The following TECPR2 variants were observed in gnomAD, a reference collection of about 807,000 sequenced individuals.
The protein encoded by TECPR2 is tectonin beta-propeller repeat containing 2, also known as tectonin beta-propeller repeat-containing protein 2.
TECPR2 carries 65 observed loss-of-function variants against 138.1 expected under a neutral mutation model. The observed-to-expected ratio is 0.47, with a 90% CI of 0.39 to 0.58. TECPR2 has a LOEUF of 0.58. TECPR2 is among the 20% of genes least tolerant of loss of function. TECPR2 has a pLI of 0.00. For missense variants in TECPR2, 1,553 were observed against 1,824.5 expected (o/e 0.85, Z 2.71); for synonymous variants, 746 against 749.8 (o/e 0.99, Z 0.08).
At chr14:102,372,385 C>T (rs923715758) in intron 1 of TECPR2, among the ~76,000 whole-genome samples, 3 of 152,156 alleles carry the variant, frequency 2.0e-5, no homozygotes, top group Admixed American at 6.5e-5. Flanking sequence ...CCTGCCTCAG[C>T]CTCCCAAGTG....
At chr14:102,488,638 C>A (rs1484028730) in intron 17 of TECPR2, among the ~76,000 whole-genome samples, 3 of 151,968 alleles carry the variant, frequency 2.0e-5, no homozygotes, top group African/African-American at 7.3e-5. Context: ...GCCACTGCAC[C>A]CGGCCTAATT....
intron 2 of TECPR2, among the ~76,000 whole-genome samples, chr14:102,390,642 G>A (rs1048195187): frequency 6.6e-6 from 1 of 152,098 alleles, no homozygotes; most frequent in African/African-American, 2.4e-5. Context: ...CTGTGATCCC[G>A]CTGGTGTGGC....
intron 2 of TECPR2, among the ~76,000 whole-genome samples, chr14:102,380,979 G>C (rs200584015): frequency 7.5e-6 from 1 of 133,942 alleles, no homozygotes; most frequent in Non-Finnish European, 1.6e-5. Flanking sequence ...CACCAAGCTT[G>C]TTTTTTTTTT....
chr14:102,407,854 G>A (rs1479963325), intron 3 of TECPR2, among the ~76,000 whole-genome samples: 2 of 152,118 alleles, frequency 1.3e-5, no homozygotes, highest in Non-Finnish European at 1.5e-5. Context: ...AAAATTAGCC[G>A]GGTGTGGTGG....
chr14:102,390,836 AG>A (rs1424483502), intron 2 of TECPR2, among the ~76,000 whole-genome samples: 3 of 151,854 alleles, frequency 2.0e-5, no homozygotes, highest in African/African-American at 7.3e-5. Context: ...TACCTATCTT[AG>A]CATCTGATTT....
chr14:102,440,310 A>T (rs1458219571), intron 10 of TECPR2, 126 bp from the exon 11 acceptor site: 37 of 1,323,026 alleles, frequency 2.8e-5, no homozygotes, highest in Non-Finnish European at 3.6e-5. Context: ...CTCTTTCCCC[A>T]CTTGGGGGGA....
chr14:102,444,800 C>A (rs534960012), intron 12 of TECPR2, among the ~76,000 whole-genome samples: 3 of 152,110 alleles, frequency 2.0e-5, no homozygotes, highest in African/African-American at 7.2e-5. Context: ...AGTGAAATCC[C>A]GTCTCTATTA....
Position 102,440,455 on chromosome 14 carries a change from T to C in TECPR2, c.2598T>C (p.Ile866=), listed in dbSNP as rs757127842. ...CCATAGGAGCCCTTCTCTGGAAGATTGAACAGAAATCTAACCGGGCTTTTG... is the reference window on the plus strand; with the variant it reads ...CCATAGGAGCCCTTCTCTGGAAGATCGAACAGAAATCTAACCGGGCTTTTG... ...VSPSGALLWK[I]EQKSNRAFAC... Residue 866 remains isoleucine (I), a synonymous_variant, in exon 11 of 20, where the codon ATT becomes ATC. Coordinates refer to ENST00000359520, the MANE Select transcript of TECPR2 (RefSeq NM_014844.5). The C allele has an allele frequency of 1.9e-6, 3 of 1,614,184 alleles. No individual in the cohort carries two copies. The highest frequency in any genetic ancestry group is 2.5e-6 in the Non-Finnish European group (3 of 1,180,036).
Position 102,449,847 on chromosome 14 carries a change from C to T in TECPR2, c.3294C>T (p.His1098=), listed in dbSNP as rs144141409. The change falls in exon 14 of 20, where the codon CAC becomes CAT. Residue 1098 remains histidine, a synonymous_variant. Transcript: ENST00000359520. The stretch of plus-strand genomic sequence containing the variant: ...TCTCCTCGGGCAAGAATGAATTCCA[C>T]GTCGCTAAGGGAAGTCTCATAGGTG... ...VWISSGKNEF[H]VAKGSLIGTY... 120 of 1,613,806 alleles carry T rather than the reference C, an allele frequency of 7.4e-5. 1 individual carries two copies. In the African/African-American group the frequency reaches 9.6e-4, roughly 13 times the overall value.
chr14:102,462,894 C>T (rs1428449793), intron 16 of TECPR2, among the ~76,000 whole-genome samples: 2 of 152,188 alleles, frequency 1.3e-5, no homozygotes, highest in Non-Finnish European at 2.9e-5. Context: ...ATGAGCAAGA[C>T]TTGAACAGGC....
intron 1 of TECPR2, among the ~76,000 whole-genome samples, chr14:102,374,163 A>G (rs986014099): frequency 6.6e-6 from 1 of 151,956 alleles, no homozygotes; most frequent in Non-Finnish European, 1.5e-5. Flanking sequence ...TTATTCCAGC[A>G]TTGAATTGGG....
intron 4 of TECPR2, among the ~76,000 whole-genome samples, chr14:102,410,804 C>T (rs905192651): frequency 1.6e-4 from 25 of 151,818 alleles, no homozygotes; most frequent in Non-Finnish European, 2.8e-4. Context: ...TTTACACTGC[C>T]GGTTTACACT....
chr14:102,414,589 C>T (rs759203123), intron 4 of TECPR2, 47 bp from the exon 5 acceptor site: 1 of 1,606,166 alleles, frequency 6.2e-7, no homozygotes, highest in South Asian at 1.1e-5. Context: ...GAGGTCCATT[C>T]TTTAGCCTGG....
intron 9 of TECPR2, chr14:102,436,986 A>G: frequency 1.0e-6 from 1 of 985,380 alleles, no homozygotes; most frequent in Non-Finnish European, 1.2e-6. Flanking sequence ...TGGCCCTTTG[A>G]GCCCCTGACT....
intron 10 of TECPR2, among the ~76,000 whole-genome samples, chr14:102,439,746 T>C (rs1567342678): frequency 6.6e-6 from 1 of 152,250 alleles, no homozygotes; most frequent in Non-Finnish European, 1.5e-5. Context: ...CAGGCAGAGA[T>C]GCTCGACAGG....
intron 16 of TECPR2, among the ~76,000 whole-genome samples, chr14:102,452,956 A>G (rs924951164): frequency 4.6e-5 from 7 of 152,196 alleles, no homozygotes; most frequent in African/African-American, 9.6e-5. Flanking sequence ...TGAATATGGA[A>G]CATAGCTTTA....
At chr14:102,378,470 A>G (rs936697273) in intron 2 of TECPR2, among the ~76,000 whole-genome samples, 2 of 152,090 alleles carry the variant, frequency 1.3e-5, no homozygotes, top group Non-Finnish European at 2.9e-5. Flanking sequence ...TTATCCTCAC[A>G]AAAACTCTCT....
In TECPR2 at chr14:102,438,201, C is replaced by T. The variant is rs1166777259; in HGVS notation, c.2574C>T (p.Pro858=). ...EDAVQQVAVS[P]SGALLWKIEQ... ...CTGTCCAGCAGGTGGCAGTCTCGCC[C>T]TCAGGTTCGCCTCCCCGCTCCCTGC... Residue 858 remains proline (P), a synonymous_variant, in exon 10 of 20, where the codon CCC becomes CCT. Coordinates refer to ENST00000359520, the MANE Select transcript of TECPR2 (RefSeq NM_014844.5). 15 of 1,603,374 alleles carry T rather than the reference C, an allele frequency of 9.4e-6. No homozygotes were observed. Among genetic ancestry groups the T allele is most frequent in the Non-Finnish European group, 1.1e-5 (13 of 1,178,312 alleles).
intron 7 of TECPR2, among the ~76,000 whole-genome samples, chr14:102,428,655 G>A (rs1041696430): frequency 6.6e-6 from 1 of 152,012 alleles, no homozygotes; most frequent in Non-Finnish European, 1.5e-5. Flanking sequence ...TCAAGTACTC[G>A]GGAGGCTGAG....
Sources: allele counts gnomAD v4.1 joint callset (sites outside exome capture counted in the v4.1 genomes callset), GRCh38; gene constraint gnomAD v4.1.1; transcripts MANE v1.5; gene names NCBI Gene and HGNC (gene_info 2026-07-23, HGNC 2026-07-21).